Variants in HMOX2 observed in about 807,000 individuals in gnomAD.
The protein encoded by HMOX2 is heme oxygenase (decycling) 2.
HMOX2 carries 30 observed loss-of-function variants against 33.7 expected under a neutral mutation model. The observed-to-expected ratio is 0.89, with a 90% CI of 0.67 to 1.21. The LOEUF (loss-of-function observed/expected upper bound fraction) is 1.21, where lower values mean the gene tolerates loss of function less well. Ranked by LOEUF, HMOX2 falls within the 50% of genes most tolerant of loss-of-function variation. The pLI, the probability that HMOX2 is intolerant of heterozygous loss-of-function variation, is 0.00. For synonymous variants in HMOX2, 155 were observed against 155.0 expected, an observed-to-expected ratio of 1.00 and a Z score of 0.00; for missense variants, 403 against 399.1, an observed-to-expected ratio of 1.01 and a Z score of -0.08.
chr16:4,508,244 A>C, intron 4 of HMOX2, 40 bp downstream of exon 4: 2 of 1,559,694 alleles, frequency 1.3e-6, no homozygotes, highest in Non-Finnish European at 1.7e-6. Flanking sequence ...CTGAAGAGGG[A>C]AACTTTGACA....
intron 1 of HMOX2, among the ~76,000 whole-genome samples, chr16:4,493,828 A>G (rs538877715): frequency 1.3e-5 from 2 of 152,220 alleles, no homozygotes; most frequent in Admixed American, 6.6e-5. Flanking sequence ...GTTGAACCCA[A>G]TTTCTACAAA....
chr16:4,490,049 G>C (rs1007179076), intron 1 of HMOX2, among the ~76,000 whole-genome samples: 5 of 152,198 alleles, frequency 3.3e-5, no homozygotes, highest in African/African-American at 1.2e-4. Context: ...TAATTGGGCA[G>C]TAGGAGGCCA....
chr16:4,507,351 G>A (rs2058719259), intron 3 of HMOX2, among the ~76,000 whole-genome samples: 1 of 151,924 alleles, frequency 6.6e-6, no homozygotes, highest in Non-Finnish European at 1.5e-5. Flanking sequence ...AGGCTGAGGT[G>A]GGAGAGTCAC....
At chr16:4,482,122 AAACTCCATTCCTCTACCAT>A (rs2141518374) in intron 1 of HMOX2, among the ~76,000 whole-genome samples, 1 of 152,280 alleles carries the variant, frequency 6.6e-6, no homozygotes, top group Non-Finnish European at 1.5e-5. Flanking sequence ...ATAACTTAAA[AAACTCCATTCCTCTACCAT>A]ATACTTGAGA....
rs549233053 is a variant in HMOX2, at chr16:4,507,941, G to A, written c.433G>A (p.Glu145Lys). 6.3e-5 allele frequency: 102 copies of A among 1,613,988 alleles called. No individual in the cohort carries two copies. The Admixed American group carries it at 1.3e-3, about 21-fold the overall frequency. Residue 145 changes from glutamate to lysine, a missense_variant, in exon 4 of 6, where the codon GAG becomes AAG. Transcript: ENST00000570646. ...VERIHYIGQN[E>K]PELLVAHAYT... ...GCGGATCCACTACATAGGGCAGAAC[G>A]AGCCGGAGCTACTGGTGGCCCATGC...
chr16:4,485,005 AC>A (rs1434089396), intron 1 of HMOX2, among the ~76,000 whole-genome samples: 2 of 151,554 alleles, frequency 1.3e-5, no homozygotes, highest in African/African-American at 4.8e-5. Flanking sequence ...TCACTCTGTC[AC>A]CGAGGCTGGA....
intron 4 of HMOX2, 138 bp downstream of exon 4, chr16:4,508,342 G>C: frequency 1.0e-6 from 1 of 986,576 alleles, no homozygotes; most frequent in Non-Finnish European, 1.5e-6. Flanking sequence ...GTGGCCACCA[G>C]ATTGGCCACC....
At chr16:4,506,852 G>C in intron 2 of HMOX2, 43 bp from the exon 3 acceptor site, 1 of 1,405,042 alleles carries the variant, frequency 7.1e-7, no homozygotes, top group South Asian at 1.1e-5. Context: ...TGGAAAGCTG[G>C]GAAGGGCTAA....
intron 1 of HMOX2, among the ~76,000 whole-genome samples, chr16:4,498,119 C>A (rs554664355): frequency 7.2e-6 from 1 of 139,498 alleles, no homozygotes; most frequent in South Asian, 2.2e-4. Flanking sequence ...CAGGCTGGAG[C>A]GCAGTGGCAC....
intron 1 of HMOX2, among the ~76,000 whole-genome samples, chr16:4,486,796 A>T (rs1458229773): frequency 6.6e-6 from 1 of 152,184 alleles, no homozygotes; most frequent in Non-Finnish European, 1.5e-5. Flanking sequence ...TGAATATCTT[A>T]TGTCTCCTAG....
intron 1 of HMOX2, among the ~76,000 whole-genome samples, chr16:4,491,001 C>CAGT (rs774636445): frequency 4.6e-5 from 7 of 152,170 alleles, no homozygotes; most frequent in Admixed American, 6.5e-5. Flanking sequence ...CCACTATTGT[C>CAGT]AGTAGCACAC....
intron 1 of HMOX2, among the ~76,000 whole-genome samples, chr16:4,500,767 A>G (rs1230758372): frequency 6.6e-6 from 1 of 152,158 alleles, no homozygotes; most frequent in Non-Finnish European, 1.5e-5. Context: ...CATGCCAGCA[A>G]TTTAGCAGGA....
chr16:4,482,205 C>T (rs1177667697), intron 1 of HMOX2, among the ~76,000 whole-genome samples: 2 of 152,106 alleles, frequency 1.3e-5, no homozygotes, highest in Admixed American at 1.3e-4. Context: ...TCATATTTGT[C>T]CTGCTCTGTA....
intron 1 of HMOX2, among the ~76,000 whole-genome samples, chr16:4,482,547 A>G (rs1321756076): frequency 1.3e-5 from 2 of 152,184 alleles, no homozygotes; most frequent in Non-Finnish European, 2.9e-5. Context: ...GCTCAGTCCC[A>G]CAAAACTGTC....
chr16:4,509,917 G>A lies in HMOX2; in HGVS notation c.*161G>A. ...CAGATGCTAGAGCCTCTGCCTGACA[G>A]CATCCTCTCTATGGGCCATATTCCG... On this transcript the variant is annotated 3_prime_UTR_variant, in exon 6 of 6. Transcript: ENST00000570646. 1.3e-6 allele frequency: 1 copy of A among 765,272 alleles called. No homozygotes were observed. The highest frequency in any genetic ancestry group is 2.1e-6 in the Non-Finnish European group (1 of 482,402). 47.4% of individuals were successfully genotyped at this position (765,272 alleles called of 1,614,324 possible). A position where few individuals can be genotyped will look rare whatever the true frequency, so the allele number is the denominator to read the frequency against.
In HMOX2 at chr16:4,507,873, A is replaced by G. The variant is rs773963864; in HGVS notation, c.365A>G (p.Glu122Gly). The change falls in exon 4 of 6, where the codon GAG (glutamate) becomes GGG (glycine). Residue 122 changes from glutamate to glycine, a missense_variant. Transcript: ENST00000570646. ...DMEYFFGENW[E>G]EQVQCPKAAQ... ...GAGTATTTCTTTGGTGAAAACTGGGAGGAGCAGGTGCAGTGCCCCAAGGCT... is the reference window on the plus strand; with the variant it reads ...GAGTATTTCTTTGGTGAAAACTGGGGGGAGCAGGTGCAGTGCCCCAAGGCT... The G allele has an allele frequency of 6.2e-7, 1 of 1,614,214 alleles. No individual in the cohort carries two copies. Among genetic ancestry groups the G allele is most frequent in the Admixed American group, 1.7e-5 (1 of 60,034 alleles).
chr16:4,497,291 A>G (rs548303835), intron 1 of HMOX2, among the ~76,000 whole-genome samples: 1 of 152,280 alleles, frequency 6.6e-6, no homozygotes, highest in African/African-American at 2.4e-5. Flanking sequence ...ATGGTAACCT[A>G]GGGATGACCC....
intron 1 of HMOX2, among the ~76,000 whole-genome samples, chr16:4,496,988 G>A (rs2058438020): frequency 6.6e-6 from 1 of 151,932 alleles, no homozygotes. Flanking sequence ...TGAGCTACCA[G>A]TACCAGCCTC....
chr16:4,496,703 G>C (rs955868791), intron 1 of HMOX2: 2 of 152,112 alleles, frequency 1.3e-5, no homozygotes, highest in African/African-American at 2.4e-5. Flanking sequence ...TAATTCTCTT[G>C]ATCTTAGTTT....
Sources: allele counts gnomAD v4.1 joint callset (sites outside exome capture counted in the v4.1 genomes callset), GRCh38; gene constraint gnomAD v4.1.1; transcripts MANE v1.5; gene names NCBI Gene and HGNC (gene_info 2026-07-23, HGNC 2026-07-21).